CD47: variants seen among roughly 807,000 people sequenced by gnomAD.
CD47 encodes CD47 molecule.
A neutral mutation model predicts 44.6 loss-of-function variants in CD47; 11 were observed. That is an observed-to-expected ratio of 0.25 (90% confidence interval 0.16 to 0.41). The LOEUF is 0.41. CD47 is among the 10% of genes least tolerant of loss of function. The pLI, the probability that CD47 is intolerant of heterozygous loss-of-function variation, is 1.00. For missense variants in CD47, 306 were observed against 386.7 expected (o/e 0.79, Z 1.75); for synonymous variants, 140 against 136.3 (o/e 1.03, Z -0.19).
At position 108,047,287 on chromosome 3, in the gene CD47, GTTA is replaced by G. The variant is rs746059398; in HGVS notation, c.970_972del (p.Ter324delextTer2). On this transcript the variant is annotated stop_lost and inframe_deletion and splice_region_variant, in exon 11 of 11. Transcript: ENST00000361309. ...AATCGGAGTCCATCACTTCACTTCA[GTTA>G]TTCTGGAAAATTGAAAAATGAACAC... 1 of 1,605,680 alleles carries G rather than the reference GTTA, an allele frequency of 6.2e-7. No individual in the cohort carries two copies. Among genetic ancestry groups the G allele is most frequent in the Non-Finnish European group, 8.5e-7 (1 of 1,173,904 alleles).
intron 1 of CD47, among the ~76,000 whole-genome samples, chr3:108,081,991 T>C (rs2079429561): frequency 6.6e-6 from 1 of 151,982 alleles, no homozygotes; most frequent in Non-Finnish European, 1.5e-5. Flanking sequence ...TGGACTTCCG[T>C]TGCATTCTTT....
At chr3:108,054,820 G>C (rs2078886403) in intron 7 of CD47, 1 of 152,134 alleles carries the variant, frequency 6.6e-6, no homozygotes, top group African/African-American at 2.4e-5. Flanking sequence ...GGATGTTGTG[G>C]TAAATATGGT....
intron 2 of CD47, among the ~76,000 whole-genome samples, chr3:108,076,077 A>C (rs1038550662): frequency 9.8e-5 from 15 of 152,348 alleles, no homozygotes; most frequent in African/African-American, 3.6e-4. Context: ...CAAATAAAGT[A>C]TGCCCTGGGC....
intron 3 of CD47, among the ~76,000 whole-genome samples, chr3:108,063,636 A>G (rs922611502): frequency 2.0e-5 from 3 of 152,230 alleles, no homozygotes; most frequent in Non-Finnish European, 2.9e-5. Flanking sequence ...AAAACATTAA[A>G]TGCAGCAAAA....
rs1344333063 is a variant in CD47 at position 108,043,547 on chromosome 3, A to G, written c.*3741T>C. The G allele has an allele frequency of 6.6e-6, 1 of 152,624 alleles. No homozygotes were observed. Among genetic ancestry groups the G allele is most frequent in the Non-Finnish European group, 1.5e-5 (1 of 68,028 alleles). The allele number at this position is 152,624 out of a possible 1,614,324, so 9.5% of individuals were successfully genotyped here. Reference sequence around the variant, plus strand: ...AATAGCACACCTTTAATTGCTATGCAAAAAAGCTCCAAGAGAGGATCTTGC... The same window carrying G: ...AATAGCACACCTTTAATTGCTATGCGAAAAAGCTCCAAGAGAGGATCTTGC... On this transcript the variant is annotated 3_prime_UTR_variant, in exon 11 of 11. Transcript: ENST00000361309.
At chr3:108,049,051 G>A (rs1005604435) in intron 10 of CD47, among the ~76,000 whole-genome samples, 1 of 150,560 alleles carries the variant, frequency 6.6e-6, no homozygotes, top group Non-Finnish European at 1.5e-5. Context: ...TATTAGCCCA[G>A]AGTTCTTAAA....
intron 2 of CD47, among the ~76,000 whole-genome samples, chr3:108,073,727 G>A (rs1019119125): frequency 6.6e-6 from 1 of 152,174 alleles, no homozygotes; most frequent in Non-Finnish European, 1.5e-5. Flanking sequence ...CTTTAAATAG[G>A]GAAGAAAAAT....
intron 1 of CD47, among the ~76,000 whole-genome samples, chr3:108,090,172 T>C (rs1223562634): frequency 6.6e-6 from 1 of 152,120 alleles, no homozygotes. Context: ...ATTTAGAATG[T>C]ATGCAAGTGG....
At chr3:108,065,306 TCA>T (rs1405748116) in intron 3 of CD47, among the ~76,000 whole-genome samples, 1 of 152,242 alleles carries the variant, frequency 6.6e-6, no homozygotes, top group Non-Finnish European at 1.5e-5. Flanking sequence ...CTTGTGGATT[TCA>T]CAATTTTTGA....
intron 2 of CD47, among the ~76,000 whole-genome samples, chr3:108,073,017 C>CAGG (rs2108256220): frequency 6.8e-6 from 1 of 146,752 alleles, no homozygotes; most frequent in South Asian, 2.3e-4. Flanking sequence ...TAAACTCCCC[C>CAGG]TCTCATTTTC....
intron 2 of CD47, among the ~76,000 whole-genome samples, chr3:108,073,396 T>C (rs1393125098): frequency 6.6e-6 from 1 of 152,144 alleles, no homozygotes; most frequent in Non-Finnish European, 1.5e-5. Flanking sequence ...GGAACTCCTC[T>C]AGGCTCTTGA....
intron 3 of CD47, among the ~76,000 whole-genome samples, chr3:108,064,864 G>GTAA (rs1326151071): frequency 6.6e-6 from 1 of 152,178 alleles, no homozygotes; most frequent in Non-Finnish European, 1.5e-5. Flanking sequence ...CTGTTGAGCT[G>GTAA]TAAATGAATA....
chr3:108,050,988 A>G (rs182948912), intron 8 of CD47, among the ~76,000 whole-genome samples: 15 of 152,376 alleles, frequency 9.8e-5, no homozygotes, highest in Admixed American at 9.1e-4. Flanking sequence ...AATTGAACTC[A>G]GTAACTGGGA....
Position 108,091,010 on chromosome 3 carries a change from C to A in CD47, c.-102G>T, listed in dbSNP as rs1021561857. Reference sequence around the variant, plus strand: ...ACCGACCGCCGCCGCGCGTCACAGGCAGGACCCACTGCCCAGGCTGCACGG... The same window carrying A: ...ACCGACCGCCGCCGCGCGTCACAGGAAGGACCCACTGCCCAGGCTGCACGG... On this transcript the variant is annotated 5_prime_UTR_variant, in exon 1 of 11. Coordinates refer to ENST00000361309, the MANE Select transcript of CD47 (RefSeq NM_001777.4). The A allele has an allele frequency of 2.1e-5, 16 of 770,754 alleles. No homozygotes were observed. The highest frequency in any genetic ancestry group is 1.1e-4 in the African/African-American group (6 of 53,926). 47.7% of individuals were successfully genotyped at this position (770,754 alleles called of 1,614,324 possible). A position where few individuals can be genotyped will look rare whatever the true frequency, so the allele number is the denominator to read the frequency against.
At chr3:108,063,231 C>T (rs1204333890) in intron 3 of CD47, among the ~76,000 whole-genome samples, 1 of 152,126 alleles carries the variant, frequency 6.6e-6, no homozygotes, top group Non-Finnish European at 1.5e-5. Flanking sequence ...AATTAAGTAG[C>T]CATTTCCAAC....
intron 1 of CD47, among the ~76,000 whole-genome samples, chr3:108,080,992 T>C (rs1009064734): frequency 1.3e-5 from 2 of 151,604 alleles, no homozygotes; most frequent in South Asian, 2.1e-4. Context: ...TAGGCAGCAA[T>C]AGACATTTTG....
intron 2 of CD47, among the ~76,000 whole-genome samples, chr3:108,071,525 G>A (rs1189143593): frequency 1.3e-5 from 2 of 152,160 alleles, no homozygotes; most frequent in Non-Finnish European, 2.9e-5. Context: ...ACACTCTATG[G>A]AACCGTGACC....
intron 3 of CD47, among the ~76,000 whole-genome samples, chr3:108,064,080 C>A (rs750343541): frequency 2.6e-5 from 4 of 152,134 alleles, no homozygotes; most frequent in Non-Finnish European, 4.4e-5. Flanking sequence ...TACTGTGTAC[C>A]TACAATGTAC....
intron 3 of CD47, among the ~76,000 whole-genome samples, chr3:108,066,610 CA>C (rs2079109532): frequency 6.6e-6 from 1 of 152,104 alleles, no homozygotes; most frequent in South Asian, 2.1e-4. Flanking sequence ...CCTTGTTTCC[CA>C]GTGATAAACC....
Sources: gnomAD v4.1 joint callset for allele counts (sites outside exome capture counted in the v4.1 genomes callset) on GRCh38, gnomAD v4.1.1 for gene constraint, MANE v1.5 for transcripts, NCBI Gene and HGNC (gene_info 2026-07-23, HGNC 2026-07-21) for gene names.